OR7A10: variants seen among roughly 807,000 people sequenced by gnomAD.
OR7A10 encodes olfactory receptor 7A10.
For missense variants in OR7A10, 358 were observed against 370.1 expected, an observed-to-expected ratio of 0.97 and a Z score of 0.27; for synonymous variants, 144 against 144.5, an observed-to-expected ratio of 1.00 and a Z score of 0.02.
At chr19:14,845,067 A>ACG (rs2044935505) in intron 1 of OR7A10, among the ~76,000 whole-genome samples, 1 of 135,936 alleles carries the variant, frequency 7.4e-6, no homozygotes, top group African/African-American at 2.9e-5. Context: ...ACACACACAC[A>ACG]CAAACACACA....
intron 1 of OR7A10, among the ~76,000 whole-genome samples, chr19:14,843,822 AAACACC>A (rs2044927056): frequency 1.3e-5 from 2 of 152,214 alleles, no homozygotes; most frequent in Admixed American, 6.5e-5. Context: ...ACAGAAAACC[AAACACC>A]ACATGTTCTC....
intron 1 of OR7A10, among the ~76,000 whole-genome samples, chr19:14,847,759 C>T (rs894460360): frequency 4.6e-5 from 7 of 151,642 alleles, no homozygotes; most frequent in Admixed American, 4.6e-4. Context: ...TGTGATCCGC[C>T]TACCTCGGCC....
intron 1 of OR7A10, among the ~76,000 whole-genome samples, chr19:14,845,329 G>T (rs796210168): frequency 6.6e-6 from 1 of 152,004 alleles, no homozygotes; most frequent in Non-Finnish European, 1.5e-5. Flanking sequence ...ACAAAAATTA[G>T]CTGGGCGTGG....
chr19:14,846,881 A>T (rs1350750452), intron 1 of OR7A10, among the ~76,000 whole-genome samples: 1 of 151,774 alleles, frequency 6.6e-6, no homozygotes, highest in Non-Finnish European at 1.5e-5. Context: ...GAGATGTGAA[A>T]AGAAGTTGGA....
chr19:14,844,938 T>C (rs1021444274), intron 1 of OR7A10, among the ~76,000 whole-genome samples: 4 of 151,592 alleles, frequency 2.6e-5, no homozygotes, highest in Non-Finnish European at 5.9e-5. Context: ...GCTGGGATTA[T>C]AGGCGTAAGC....
chr19:14,841,519 T>TCACGTCAGA lies in OR7A10; in HGVS notation c.358_359insTCTGACGTG (p.Tyr120delinsPheTer). ...GTGACAGATGGCCACAAACCGGTCA[T>TCACGTCAGA]AGGCCATCACGGTCAGAAGGAAGTT... is the stretch of plus-strand genomic sequence containing the variant. On this transcript the variant is annotated stop_gained and protein_altering_variant, in exon 2 of 2. Coordinates refer to ENST00000641129, the MANE Select transcript of OR7A10 (RefSeq NM_001005190.2). LOFTEE classifies it low-confidence loss of function (END_TRUNC). 1 of 1,614,114 alleles carries TCACGTCAGA rather than the reference T, an allele frequency of 6.2e-7. No homozygotes were observed. The highest frequency in any genetic ancestry group is 8.5e-7 in the Non-Finnish European group (1 of 1,179,998).
At chr19:14,843,281 A>G (rs2145096513) in intron 1 of OR7A10, among the ~76,000 whole-genome samples, 1 of 152,328 alleles carries the variant, frequency 6.6e-6, no homozygotes, top group South Asian at 2.1e-4. Flanking sequence ...GTGATTTCTC[A>G]AAGGACTTAA....
rs765603985 is a variant in OR7A10 at position 14,841,267 on chromosome 19, G to A, written c.611C>T (p.Ala204Val). 2.5e-6 allele frequency: 4 copies of A among 1,614,154 alleles called. No homozygotes were observed. The highest frequency in any genetic ancestry group is 1.7e-5 in the Admixed American group (1 of 60,012). ...LNDIVMYFAV[A>V]LLGGGPLTGI... Reference sequence around the variant, plus strand: ...AGTGAGGGGACCACCGCCCAGCAGCGCTACTGCAAAATACATCACTATGTC... The same window carrying A: ...AGTGAGGGGACCACCGCCCAGCAGCACTACTGCAAAATACATCACTATGTC... The change falls in exon 2 of 2, where the codon GCG becomes GTG. Residue 204 changes from alanine (A) to valine (V), a missense_variant. Physicochemically the swap from Ala to Val is moderately conservative, Grantham distance 64. Coordinates refer to ENST00000641129, the MANE Select transcript of OR7A10 (RefSeq NM_001005190.2).
chr19:14,840,950 AT>A lies in OR7A10; in HGVS notation c.927del (p.Gln309HisfsTer16), dbSNP rs770651344. 6.3e-7 allele frequency: 1 copy of A among 1,599,822 alleles called. No homozygotes were observed. The highest frequency in any genetic ancestry group is 1.3e-5 in the African/African-American group (1 of 74,458). On this transcript the variant is annotated frameshift_variant, in exon 2 of 2. Transcript: ENST00000641129. LOFTEE classifies it high-confidence loss of function. ...GCCTTTCTTGAAAAATAGCCTTTCT[AT>A]TGCTTTCCTCTGAAGAATGTTTTCA... ...GAMKTFFRGKQ is the reference protein window; with the variant it reads ...GAMKTFFRGKX
intron 1 of OR7A10, among the ~76,000 whole-genome samples, chr19:14,844,664 G>GT (rs1348866444): frequency 0.12 from 11,401 of 97,538 alleles, 2,357 homozygotes; most frequent in African/African-American, 0.31. Context: ...TGAGTTCTGT[G>GT]TTTTTTTTTT....
chr19:14,841,913 A>T (rs1466454330), intron 1 of OR7A10, 24 bp from the exon 2 acceptor site: 1 of 1,437,136 alleles, frequency 7.0e-7, no homozygotes. Flanking sequence ...AGAGAGAGAG[A>T]GAGAGAGAGT....
intron 1 of OR7A10, among the ~76,000 whole-genome samples, chr19:14,844,943 G>A (rs964998742): frequency 4.0e-5 from 6 of 151,568 alleles, no homozygotes; most frequent in Admixed American, 6.6e-5. Flanking sequence ...GATTATAGGC[G>A]TAAGCCACCA....
In OR7A10 at chr19:14,841,764, A is replaced by C. The variant is rs200402196; in HGVS notation, c.114T>G (p.Thr38=). The change falls in exon 2 of 2, where the codon ACT becomes ACG. Residue 38 remains threonine, a synonymous_variant. Transcript: ENST00000641129. ...FGLFLSMYLV[T]VLGNLLIILA... ...GGATGATGAGCAGGTTCCCGAGCAC[A>C]GTGACCAGGTACATGGACAGGAACA... 5.0e-6 allele frequency: 8 copies of C among 1,614,038 alleles called. No homozygotes were observed. In the African/African-American group the frequency reaches 1.1e-4, roughly 22 times the overall value.
chr19:14,845,812 GGT>G (rs2044939781), intron 1 of OR7A10, among the ~76,000 whole-genome samples: 2 of 152,150 alleles, frequency 1.3e-5, no homozygotes, highest in Admixed American at 6.5e-5. Context: ...ACCTTTACAG[GGT>G]GAAAGCCAAA....
chr19:14,841,900 G>C lies in OR7A10; in HGVS notation c.-12-11C>G, dbSNP rs1568258093. 2 of 1,355,316 alleles carry C rather than the reference G, an allele frequency of 1.5e-6. No individual in the cohort carries two copies. Among genetic ancestry groups the C allele is most frequent in the South Asian group, 2.8e-5 (2 of 72,490 alleles). 84.0% of individuals were successfully genotyped at this position (1,355,316 alleles called of 1,614,324 possible). Reference sequence around the variant, plus strand: ...CATCTTGTGATGTGACTACCAGAGAGAGAGAGAGAGAGAGAGAGAGAGTGA... The same window carrying C: ...CATCTTGTGATGTGACTACCAGAGACAGAGAGAGAGAGAGAGAGAGAGTGA... On this transcript the variant is annotated splice_polypyrimidine_tract_variant and intron_variant, in intron 1 of 1. Transcript: ENST00000641129.
At position 14,841,541 on chromosome 19, in the gene OR7A10, A is replaced by C. The variant is rs769875955; in HGVS notation, c.337T>G (p.Phe113Val). The part of the protein sequence containing the change: ...FFLLFVGLDN[F>V]LLTVMAYDRF... ...TCATAGGCCATCACGGTCAGAAGGA[A>C]GTTATCCAATCCTACAAAGAGTAAG... Residue 113 changes from phenylalanine (F) to valine (V), a missense_variant, in exon 2 of 2, where the codon TTC becomes GTC. Phe to Val is a conservative substitution (Grantham distance 50). Coordinates refer to ENST00000641129, the MANE Select transcript of OR7A10 (RefSeq NM_001005190.2). 1 of 1,614,204 alleles carries C rather than the reference A, an allele frequency of 6.2e-7. No homozygotes were observed. The highest frequency in any genetic ancestry group is 8.5e-7 in the Non-Finnish European group (1 of 1,180,026).
chr19:14,842,365 C>A (rs1176751409), intron 1 of OR7A10, among the ~76,000 whole-genome samples: 1 of 152,224 alleles, frequency 6.6e-6, no homozygotes, highest in African/African-American at 2.4e-5. Flanking sequence ...AATCTTGTGC[C>A]TCAACTTCCC....
At chr19:14,847,295 A>G (rs2044947376) in intron 1 of OR7A10, among the ~76,000 whole-genome samples, 1 of 152,216 alleles carries the variant, frequency 6.6e-6, no homozygotes, top group Non-Finnish European at 1.5e-5. Context: ...AGTCAGTCTT[A>G]CCAGTAAGGA....
At chr19:14,845,207 G>T (rs1451640040) in intron 1 of OR7A10, among the ~76,000 whole-genome samples, 1 of 151,882 alleles carries the variant, frequency 6.6e-6, no homozygotes, top group Non-Finnish European at 1.5e-5. Context: ...AGGCACGGTG[G>T]CTCACGCCTG....
Sources: gnomAD v4.1 joint callset for allele counts (sites outside exome capture counted in the v4.1 genomes callset) on GRCh38, gnomAD v4.1.1 for gene constraint, MANE v1.5 for transcripts, NCBI Gene and HGNC (gene_info 2026-07-23, HGNC 2026-07-21) for gene names.